The following EML6 variants were observed in gnomAD, a reference collection of about 807,000 sequenced individuals.
The protein encoded by EML6 is echinoderm microtubule-associated protein-like 6.
EML6 carries 154 observed loss-of-function variants against 240.1 expected under a neutral mutation model. The observed-to-expected ratio is 0.64, with a 90% CI of 0.56 to 0.73. EML6 has a LOEUF of 0.73. Ranked by LOEUF, EML6 falls within the 30% of genes least tolerant of loss-of-function variation. EML6 has a pLI of 0.00. For synonymous variants in EML6, 1,148 were observed against 899.0 expected (o/e 1.28, Z -4.95); for missense variants, 2,964 against 2,474.6 (o/e 1.20, Z -4.20).
chr2:54,742,679 C>T (rs1001643059), intron 2 of EML6, among the ~76,000 whole-genome samples: 3 of 152,200 alleles, frequency 2.0e-5, no homozygotes, highest in African/African-American at 7.2e-5. Context: ...TCTGATTCTA[C>T]CACTTCTTAG....
intron 2 of EML6, among the ~76,000 whole-genome samples, chr2:54,741,776 A>G (rs1211185469): frequency 6.6e-6 from 1 of 152,248 alleles, no homozygotes; most frequent in Non-Finnish European, 1.5e-5. Flanking sequence ...TATAATCTGT[A>G]GAATAAAATA....
At chr2:54,957,511 C>T (rs1010684547) in intron 32 of EML6, among the ~76,000 whole-genome samples, 46 of 152,110 alleles carry the variant, frequency 3.0e-4, no homozygotes, top group African/African-American at 1.1e-3. Flanking sequence ...GCTGCCTTCT[C>T]ATATCTGGAA....
intron 28 of EML6, among the ~76,000 whole-genome samples, 167 bp downstream of exon 28, chr2:54,928,918 C>T (rs1172236309): frequency 2.0e-5 from 3 of 152,214 alleles, no homozygotes; most frequent in Admixed American, 6.5e-5. Context: ...AAAAATTGCA[C>T]AACATCCCAG....
chr2:54,857,517 G>A (rs1033276164), intron 11 of EML6, among the ~76,000 whole-genome samples: 33 of 152,330 alleles, frequency 2.2e-4, no homozygotes, highest in Middle Eastern at 6.8e-3. Flanking sequence ...CCCTCGTGGA[G>A]CTTTTGTTCT....
At chr2:54,954,655 C>G (rs538185931) in intron 32 of EML6, among the ~76,000 whole-genome samples, 2 of 152,072 alleles carry the variant, frequency 1.3e-5, no homozygotes, top group Non-Finnish European at 2.9e-5. Flanking sequence ...ATCTTACAAT[C>G]CAGGTTTACA....
chr2:54,782,879 C>T (rs548593651), intron 2 of EML6, among the ~76,000 whole-genome samples: 9 of 152,138 alleles, frequency 5.9e-5, no homozygotes, highest in Non-Finnish European at 1.3e-4. Context: ...GAAAACCAGG[C>T]GTCTCATTCG....
In EML6 at chr2:54,853,662, T is replaced by C; in HGVS notation, c.1464T>C (p.Ser488=). Residue 488 remains serine, a synonymous_variant, in exon 11 of 42, where the codon AGT becomes AGC. Coordinates refer to ENST00000356458, the MANE Select transcript of EML6 (RefSeq NM_001039753.4). ...YRMPSGKPLT[S]KEEIKGIPWA... Reference sequence around the variant, plus strand: ...TTTCAGCTGGGAAGCCTTTAACAAGTAAAGAAGAAATTAAAGGGATTCCTT... The same window carrying C: ...TTTCAGCTGGGAAGCCTTTAACAAGCAAAGAAGAAATTAAAGGGATTCCTT... The C allele has an allele frequency of 6.5e-7, 1 of 1,546,510 alleles. No individual in the cohort carries two copies.
intron 2 of EML6, among the ~76,000 whole-genome samples, chr2:54,775,328 C>G (rs965057100): frequency 6.6e-6 from 1 of 152,218 alleles, no homozygotes; most frequent in Admixed American, 6.5e-5. Context: ...CCATTTTGCT[C>G]TAGCCACACT....
chr2:54,936,472 G>C (rs192303610), intron 28 of EML6, among the ~76,000 whole-genome samples: 5 of 152,300 alleles, frequency 3.3e-5, no homozygotes, highest in Admixed American at 6.5e-5. Context: ...GCTATATACA[G>C]TTGGAACCTG....
At chr2:54,894,268 A>G (rs143558621) in intron 19 of EML6, among the ~76,000 whole-genome samples, 1 of 152,018 alleles carries the variant, frequency 6.6e-6, no homozygotes, top group East Asian at 1.9e-4. Flanking sequence ...GAAAACTAGT[A>G]CAGCCAAAAA....
chr2:54,817,867 C>T (rs1266730768), intron 4 of EML6, among the ~76,000 whole-genome samples: 1 of 151,174 alleles, frequency 6.6e-6, no homozygotes, highest in African/African-American at 2.4e-5. Flanking sequence ...AAGGAGACCC[C>T]ACAGATGTTG....
chr2:54,947,486 C>T (rs1041872068), intron 28 of EML6, among the ~76,000 whole-genome samples: 6 of 152,142 alleles, frequency 3.9e-5, no homozygotes, highest in Admixed American at 2.0e-4. Flanking sequence ...GGTACCCTGT[C>T]TTCCCCTGCA....
intron 26 of EML6, among the ~76,000 whole-genome samples, chr2:54,924,150 T>A (rs1221953154): frequency 6.6e-6 from 1 of 152,220 alleles, no homozygotes; most frequent in African/African-American, 2.4e-5. Context: ...AATTTCTGAG[T>A]CATGGGGAAA....
intron 24 of EML6, among the ~76,000 whole-genome samples, chr2:54,904,670 C>T (rs759459964): frequency 1.2e-4 from 18 of 152,150 alleles, no homozygotes; most frequent in Non-Finnish European, 1.9e-4. Context: ...TGTGGAGACA[C>T]AGGCTGGGAT....
At position 54,725,301 on chromosome 2, in the gene EML6, A is replaced by G. The variant is rs1007168321; in HGVS notation, c.197+43A>G. The stretch of plus-strand genomic sequence containing the variant: ...GGCGGCGGGGAGGGGTTGCGTGTGG[A>G]GGCTGGGAAGGTGGGAAGCGGTTGA... On this transcript the variant is annotated intron_variant, in intron 2 of 41. Coordinates refer to ENST00000356458, the MANE Select transcript of EML6 (RefSeq NM_001039753.4). This position sits in a 1 kb window ranked among gnomAD's most constrained non-coding sequence, Gnocchi z 4.3. 5.9e-6 allele frequency: 8 copies of G among 1,356,636 alleles called. No homozygotes were observed. Among genetic ancestry groups the G allele is most frequent in the Non-Finnish European group, 7.7e-6 (8 of 1,033,444 alleles). The allele number at this position is 1,356,636 out of a possible 1,614,324, so 84.0% of individuals were successfully genotyped here.
At chr2:54,797,177 A>AAAAAAACAAAAAAAAAC (rs1669850326) in intron 2 of EML6, among the ~76,000 whole-genome samples, 1 of 132,688 alleles carries the variant, frequency 7.5e-6, no homozygotes, top group Non-Finnish European at 1.6e-5. Flanking sequence ...AAAAAAAAAA[A>AAAAAAACAAAAAAAAAC]AAAAAAAAAA....
chr2:54,886,218 T>C (rs894784463), intron 17 of EML6, among the ~76,000 whole-genome samples: 5 of 139,878 alleles, frequency 3.6e-5, no homozygotes, highest in Non-Finnish European at 6.0e-5. Flanking sequence ...CAGGCTGGAG[T>C]GCAGTGGCGT....
rs142003544 is a variant in EML6 at position 54,813,890 on chromosome 2, A to T, written c.357+499A>T. ...CTGTCCTCTCCCAATTCAGTCTATC[A>T]TCAATTCCTGGGTATTCATGTTTCT... is the stretch of plus-strand genomic sequence containing the variant. On this transcript the variant is annotated intron_variant, in intron 3 of 41. Transcript: ENST00000356458. Among the ~76,000 whole-genome samples the T allele has an allele frequency of 4.2e-3, 641 of 152,264 alleles. 5 individuals are homozygous for T. Among genetic ancestry groups the T allele is most frequent in the African/African-American group, 0.014 (592 of 41,562 alleles).
At chr2:54,859,749 A>G in intron 12 of EML6, 48 bp downstream of exon 12, 4 of 1,451,858 alleles carry the variant, frequency 2.8e-6, no homozygotes, top group Non-Finnish European at 3.7e-6. Context: ...TTCAATAGGC[A>G]TTTCAAAGAA....
Sources: allele counts gnomAD v4.1 joint callset (sites outside exome capture counted in the v4.1 genomes callset), GRCh38; gene constraint gnomAD v4.1.1; non-coding constraint Gnocchi (gnomAD v3.1); transcripts MANE v1.5; gene names NCBI Gene and HGNC (gene_info 2026-07-23, HGNC 2026-07-21).